HS3ST5: variants seen among roughly 807,000 people sequenced by gnomAD.
HS3ST5 encodes the protein heparan sulfate-glucosamine 3-sulfotransferase 5, also known as heparan sulfate glucosamine 3-O-sulfotransferase 5.
HS3ST5 carries 10 observed loss-of-function variants against 25.4 expected under a neutral mutation model. That is an observed-to-expected ratio of 0.39 (90% CI 0.24 to 0.67). HS3ST5 has a LOEUF of 0.67. Among genes scored for constraint, HS3ST5 ranks in the 30% least tolerant of loss-of-function variants. The pLI, the probability that HS3ST5 is intolerant of heterozygous loss-of-function variation, is 0.44. For missense variants in HS3ST5, 324 were observed against 420.7 expected (o/e 0.77, Z 2.01); for synonymous variants, 170 against 162.4 (o/e 1.05, Z -0.36).
At chr6:114,116,426 A>C (rs1441384320) in intron 3 of HS3ST5, among the ~76,000 whole-genome samples, 1 of 152,172 alleles carries the variant, frequency 6.6e-6, no homozygotes, top group African/African-American at 2.4e-5. Context: ...TGCAGCAAAG[A>C]CCATAACCTC....
At chr6:114,229,615 T>C (rs1443489884) in intron 1 of HS3ST5, among the ~76,000 whole-genome samples, 1 of 152,226 alleles carries the variant, frequency 6.6e-6, no homozygotes, top group Non-Finnish European at 1.5e-5. Flanking sequence ...GTTCACTTTC[T>C]GATTCTTCCT....
intron 3 of HS3ST5, among the ~76,000 whole-genome samples, chr6:114,150,659 T>C (rs1778403540): frequency 6.6e-6 from 1 of 152,200 alleles, no homozygotes; most frequent in African/African-American, 2.4e-5. Flanking sequence ...AAGGAGGATT[T>C]GCATTCTATA....
At chr6:114,227,563 A>C (rs1264702818) in intron 2 of HS3ST5, among the ~76,000 whole-genome samples, 1 of 152,070 alleles carries the variant, frequency 6.6e-6, no homozygotes, top group Non-Finnish European at 1.5e-5. Context: ...GAAATACAAT[A>C]AAGTGATATT....
chr6:114,270,817 T>C (rs972703978), intron 1 of HS3ST5, among the ~76,000 whole-genome samples: 25 of 151,916 alleles, frequency 1.6e-4, no homozygotes, highest in African/African-American at 5.6e-4. Context: ...TTACAAAAAA[T>C]AAAAAGGGTT....
At chr6:114,302,147 A>T (rs1452723241) in intron 1 of HS3ST5, among the ~76,000 whole-genome samples, 1 of 152,160 alleles carries the variant, frequency 6.6e-6, no homozygotes, top group East Asian at 1.9e-4. Flanking sequence ...GTTTTGCAGG[A>T]GTCACACATT....
rs1007624287 is a variant in HS3ST5, at chr6:114,249,355, G to A, written c.-338-20577C>T. Among the ~76,000 whole-genome samples the A allele has an allele frequency of 2.0e-4, 30 of 152,282 alleles. No homozygotes were observed. In the Middle Eastern group the frequency reaches 0.01, roughly 52 times the overall value. On this transcript the variant is annotated intron_variant, in intron 1 of 4. Transcript: ENST00000312719. ...AATGTCTTTTACCTTACTCAATCAT[G>A]CATTTAAAGTTACTAGAAATAACTT...
intron 1 of HS3ST5, among the ~76,000 whole-genome samples, chr6:114,337,877 G>C (rs1776671063): frequency 6.6e-6 from 1 of 151,952 alleles, no homozygotes; most frequent in Non-Finnish European, 1.5e-5. Flanking sequence ...ATTTATTTAG[G>C]TTCATAAACC....
chr6:114,117,902 T>G (rs2114866955), intron 3 of HS3ST5, among the ~76,000 whole-genome samples: 1 of 142,414 alleles, frequency 7.0e-6, no homozygotes, highest in Non-Finnish European at 1.6e-5. Context: ...GAATTCAGAG[T>G]GCAACAAATG....
intron 1 of HS3ST5, among the ~76,000 whole-genome samples, chr6:114,275,437 A>C (rs547877320): frequency 6.6e-6 from 1 of 151,624 alleles, no homozygotes; most frequent in African/African-American, 2.4e-5. Flanking sequence ...TTATGCTTAC[A>C]ATACATACAG....
At position 114,069,484 on chromosome 6, in the gene HS3ST5, A is replaced by G. The variant is rs548406295; in HGVS notation, c.-32-6607T>C. On this transcript the variant is annotated intron_variant, in intron 3 of 4. Transcript: ENST00000312719. ...AACATGACCCCATGATTGCAGCACC[A>G]GTCATAGAGCTTTGGATACTTACAT... Among the ~76,000 whole-genome samples, 3 of 151,602 alleles carry G rather than the reference A, an allele frequency of 2.0e-5. No homozygotes were observed. In the South Asian group the frequency reaches 6.3e-4, roughly 32 times the overall value.
chr6:114,066,961 G>T (rs907645157), intron 3 of HS3ST5, among the ~76,000 whole-genome samples: 1 of 152,134 alleles, frequency 6.6e-6, no homozygotes, highest in Non-Finnish European at 1.5e-5. Context: ...TCCTTCTGAG[G>T]TCCCAGTGTG....
chr6:114,217,449 T>C (rs1781824649), intron 2 of HS3ST5, among the ~76,000 whole-genome samples: 1 of 152,210 alleles, frequency 6.6e-6, no homozygotes, highest in Admixed American at 6.5e-5. Context: ...TTATATAAAG[T>C]TGTATATTAA....
intron 2 of HS3ST5, among the ~76,000 whole-genome samples, chr6:114,206,480 A>T (rs1404041325): frequency 6.6e-6 from 1 of 152,198 alleles, no homozygotes; most frequent in Non-Finnish European, 1.5e-5. Context: ...TTCACATGAA[A>T]AAATTCTTAT....
chr6:114,338,437 C>G (rs1440533250), intron 1 of HS3ST5, among the ~76,000 whole-genome samples: 2 of 151,486 alleles, frequency 1.3e-5, no homozygotes, highest in East Asian at 3.9e-4. Context: ...TCAACCATTT[C>G]TTAATATGGA....
intron 1 of HS3ST5, among the ~76,000 whole-genome samples, chr6:114,302,313 A>C (rs539344773): frequency 6.6e-6 from 1 of 152,318 alleles, no homozygotes; most frequent in African/African-American, 2.4e-5. Context: ...AGCCATTGCA[A>C]ATTATTATTT....
chr6:114,329,050 T>C (rs537004873), intron 1 of HS3ST5, among the ~76,000 whole-genome samples: 64 of 152,340 alleles, frequency 4.2e-4, no homozygotes, highest in South Asian at 6.2e-4. Context: ...AAATGCGTCA[T>C]GATGGTAATT....
chr6:114,157,174 G>A (rs559953186), intron 3 of HS3ST5, among the ~76,000 whole-genome samples: 7 of 151,842 alleles, frequency 4.6e-5, no homozygotes, highest in African/African-American at 7.2e-5. Flanking sequence ...CTAGATTTCC[G>A]AGTGTGATAC....
At chr6:114,084,830 TTTC>T (rs1297932857) in intron 3 of HS3ST5, 9 of 639,276 alleles carry the variant, frequency 1.4e-5, no homozygotes, top group Admixed American at 2.5e-5. Flanking sequence ...TTTCTTTTCT[TTTC>T]TTTTTTTTTT....
chr6:114,099,230 T>A (rs1317875009), intron 3 of HS3ST5, among the ~76,000 whole-genome samples: 1 of 152,134 alleles, frequency 6.6e-6, no homozygotes, highest in Non-Finnish European at 1.5e-5. Context: ...AAGCTACACC[T>A]GTTTTAAGAA....
Sources: allele counts gnomAD v4.1 joint callset (sites outside exome capture counted in the v4.1 genomes callset), GRCh38; gene constraint gnomAD v4.1.1; transcripts MANE v1.5; gene names NCBI Gene and HGNC (gene_info 2026-07-23, HGNC 2026-07-21).